The following CCDC180 variants were observed in gnomAD, a reference collection of about 807,000 sequenced individuals.
The protein encoded by CCDC180 is coiled-coil domain containing 180, also known as coiled-coil domain-containing protein 180.
A neutral mutation model predicts 209.2 loss-of-function variants in CCDC180; 154 were observed. The observed-to-expected ratio is 0.74, with a 90% confidence interval of 0.65 to 0.84. CCDC180 has a LOEUF of 0.84. Ranked by LOEUF, CCDC180 falls within the 40% of genes least tolerant of loss-of-function variation. The pLI, the probability that CCDC180 is intolerant of heterozygous loss-of-function variation, is 0.00. For missense variants in CCDC180, 1,874 were observed against 1,997.3 expected, an observed-to-expected ratio of 0.94 and a Z score of 1.18; for synonymous variants, 778 against 749.1, an observed-to-expected ratio of 1.04 and a Z score of -0.63.
intron 15 of CCDC180, among the ~76,000 whole-genome samples, 179 bp downstream of exon 15, chr9:97,326,848 G>A (rs1278347524): frequency 1.3e-5 from 2 of 152,164 alleles, no homozygotes; most frequent in South Asian, 2.1e-4. Flanking sequence ...AAGCTTCCAG[G>A]GAGAATTTTT....
chr9:97,353,496 C>T (rs1826481364), intron 22 of CCDC180, among the ~76,000 whole-genome samples: 1 of 152,226 alleles, frequency 6.6e-6, no homozygotes, highest in African/African-American at 2.4e-5. Context: ...TATCTTGTAT[C>T]TTGATTCCTT....
chr9:97,325,145 G>A lies in CCDC180; in HGVS notation c.1498G>A (p.Glu500Lys). 3.1e-6 allele frequency: 5 copies of A among 1,611,614 alleles called. No individual in the cohort carries two copies. The highest frequency in any genetic ancestry group is 2.2e-5 in the East Asian group (1 of 44,832). ...GCTGTTGGTGCAGGAGCTGGAGCTG[G>A]AGAAGAGGATGGAGCAGCACCGGCA... is the stretch of plus-strand genomic sequence containing the variant. The part of the protein sequence containing the change: ...SELLVQELEL[E>K]KRMEQHRQKH... Residue 500 changes from glutamate to lysine, a missense_variant, in exon 14 of 37, where the codon GAG becomes AAG. Glu to Lys is a moderately conservative substitution (Grantham distance 56, BLOSUM62 1). Transcript: ENST00000529487.
intron 18 of CCDC180, among the ~76,000 whole-genome samples, chr9:97,335,949 T>G (rs1825891121): frequency 6.6e-6 from 1 of 152,246 alleles, no homozygotes; most frequent in African/African-American, 2.4e-5. Flanking sequence ...CGTTTTTTCA[T>G]GTGTCTGTTG....
rs904401307 is a variant in CCDC180, at chr9:97,370,789, C to T, written c.4488+11C>T. The T allele has an allele frequency of 6.2e-7, 1 of 1,613,086 alleles. No homozygotes were observed. The highest frequency in any genetic ancestry group is 1.1e-5 in the South Asian group (1 of 90,952). ...AAGGAGAAGCTGGAGGTCAGTGATA[C>T]CATTGATTCGCCAGTCCAGGCATGC... On this transcript the variant is annotated intron_variant, in intron 33 of 36. Transcript: ENST00000529487.
intron 25 of CCDC180, 48 bp from the exon 26 acceptor site, chr9:97,359,933 CT>C (rs1826701867): frequency 6.2e-7 from 1 of 1,607,338 alleles, no homozygotes; most frequent in African/African-American, 1.3e-5. Context: ...TCTACCCACC[CT>C]CCTGCAGTCT....
At chr9:97,318,155 C>T (rs897886201) in intron 9 of CCDC180, among the ~76,000 whole-genome samples, 9 of 152,140 alleles carry the variant, frequency 5.9e-5, no homozygotes, top group South Asian at 2.1e-4. Context: ...AGCAGGCAGG[C>T]GGTGGTCAGG....
chr9:97,333,566 G>A (rs189365267), intron 18 of CCDC180, among the ~76,000 whole-genome samples: 101 of 137,032 alleles, frequency 7.4e-4, no homozygotes, highest in Admixed American at 1.5e-3. Context: ...CCATTTTGGA[G>A]CTCATTATTA....
In CCDC180 at chr9:97,361,916, G is replaced by A. The variant is rs1826765444; in HGVS notation, c.3656+18G>A. On this transcript the variant is annotated intron_variant, in intron 27 of 36. Coordinates refer to ENST00000529487, the MANE Select transcript of CCDC180 (RefSeq NM_020893.6). ...CTCCTGCAGTGAGTGGCCCCAGGGTGCACCTAAGGCTCTGCCACCCCTGCC... is the reference window on the plus strand; with the variant it reads ...CTCCTGCAGTGAGTGGCCCCAGGGTACACCTAAGGCTCTGCCACCCCTGCC... The A allele has an allele frequency of 6.2e-7, 1 of 1,610,048 alleles. No individual in the cohort carries two copies. Among genetic ancestry groups the A allele is most frequent in the Non-Finnish European group, 8.5e-7 (1 of 1,177,830 alleles).
chr9:97,374,534 T>C lies in CCDC180; in HGVS notation c.4601-9T>C. Reference sequence around the variant, plus strand: ...AGGCTGCAGTCACTAGCCTGTCTTTTGCCTCTAGGGATGGAGCCCCCCAAA... The same window carrying C: ...AGGCTGCAGTCACTAGCCTGTCTTTCGCCTCTAGGGATGGAGCCCCCCAAA... On this transcript the variant is annotated splice_polypyrimidine_tract_variant and intron_variant, in intron 34 of 36. Transcript: ENST00000529487. 1 of 1,609,188 alleles carries C rather than the reference T, an allele frequency of 6.2e-7. No individual in the cohort carries two copies. The highest frequency in any genetic ancestry group is 8.5e-7 in the Non-Finnish European group (1 of 1,176,018).
intron 24 of CCDC180, 81 bp from the exon 25 acceptor site, chr9:97,357,546 C>A: frequency 2.2e-6 from 2 of 898,858 alleles, no homozygotes; most frequent in South Asian, 1.5e-5. Context: ...ATCAGTTTCT[C>A]AGATGGTATG....
rs757198222 is a variant in CCDC180, at chr9:97,328,004, C to CCTACCT, written c.1662-15_1662-10dup. On this transcript the variant is annotated splice_polypyrimidine_tract_variant and intron_variant, in intron 15 of 36. Coordinates refer to ENST00000529487, the MANE Select transcript of CCDC180 (RefSeq NM_020893.6). ...TTCCTAGCTGGGGTCTCCTGTCTTACCTACCTACCTCCCAGGTATGAATGT... is the reference window on the plus strand; with the variant it reads ...TTCCTAGCTGGGGTCTCCTGTCTTACCTACCTCTACCTACCTCCCAGGTATGAATGT... 1.8e-4 allele frequency: 282 copies of CCTACCT among 1,610,374 alleles called. No homozygotes were observed. Among genetic ancestry groups the CCTACCT allele is most frequent in the Non-Finnish European group, 2.2e-4 (261 of 1,178,158 alleles).
At position 97,362,267 on chromosome 9, in the gene CCDC180, C is replaced by T; in HGVS notation, c.3728C>T (p.Ala1243Val). 1 of 1,614,170 alleles carries T rather than the reference C, an allele frequency of 6.2e-7. No homozygotes were observed. Among genetic ancestry groups the T allele is most frequent in the Non-Finnish European group, 8.5e-7 (1 of 1,180,018 alleles). Residue 1243 changes from alanine (A) to valine (V), a missense_variant, in exon 28 of 37, where the codon GCC (alanine) becomes GTC (valine). Transcript: ENST00000529487. ...TCCCAGACAGGTAGAGGCGCATGGG[C>T]CTGTGGGTCTCGGGGCAGCAGTGAG... ...DPSQTGRGAW[A>V]CGSRGSSEAG...
Position 97,312,098 on chromosome 9 carries a change from C to G in CCDC180, c.261-15C>G. 1 of 1,612,350 alleles carries G rather than the reference C, an allele frequency of 6.2e-7. No homozygotes were observed. Among genetic ancestry groups the G allele is most frequent in the Non-Finnish European group, 8.5e-7 (1 of 1,178,534 alleles). ...TCAGGAGCTGGGACTTCACTCTTCT[C>G]TGCTTGTGTCTCAGGGAAAAGGAAA... On this transcript the variant is annotated splice_polypyrimidine_tract_variant and intron_variant, in intron 3 of 36. Transcript: ENST00000529487.
intron 16 of CCDC180, among the ~76,000 whole-genome samples, chr9:97,328,610 C>T (rs184088779): frequency 1.3e-5 from 2 of 152,084 alleles, no homozygotes; most frequent in Non-Finnish European, 1.5e-5. Context: ...CTGGCATGTG[C>T]CTCCTGCCTG....
intron 19 of CCDC180, chr9:97,345,668 C>T (rs71501812): frequency 0.029 from 11,320 of 388,730 alleles, 218 homozygotes; most frequent in South Asian, 0.042. Flanking sequence ...GGAGAATCGC[C>T]TGAACCCAGG....
chr9:97,363,970 C>A lies in CCDC180; in HGVS notation c.3903-81C>A, dbSNP rs368509865. 5 of 1,408,710 alleles carry A rather than the reference C, an allele frequency of 3.5e-6. No individual in the cohort carries two copies. In the African/African-American group the frequency reaches 7.2e-5, roughly 20 times the overall value. 87.3% of individuals were successfully genotyped at this position (1,408,710 alleles called of 1,614,324 possible). On this transcript the variant is annotated intron_variant, in intron 28 of 36. Transcript: ENST00000529487. Reference sequence around the variant, plus strand: ...GGGCAGGCCCAATGCCTCCAGAAACCCAGGCAGGGATCCTGCAGGCTCAGA... The same window carrying A: ...GGGCAGGCCCAATGCCTCCAGAAACACAGGCAGGGATCCTGCAGGCTCAGA...
rs1564155692 is a variant in CCDC180 at position 97,330,303 on chromosome 9, T to G, written c.1829-19T>G. ...CAGTAAATTGTCTCTCCTTGTGCTT[T>G]GGTGTTTATCATCAACAGAAGCACA... On this transcript the variant is annotated intron_variant, in intron 17 of 36. Transcript: ENST00000529487. 3 of 1,612,592 alleles carry G rather than the reference T, an allele frequency of 1.9e-6. No homozygotes were observed. In the African/African-American group the frequency reaches 4.0e-5, roughly 22 times the overall value.
At chr9:97,340,544 T>C (rs1027940280) in intron 18 of CCDC180, among the ~76,000 whole-genome samples, 5 of 152,228 alleles carry the variant, frequency 3.3e-5, no homozygotes, top group African/African-American at 4.8e-5. Flanking sequence ...AATATTATAA[T>C]AATCCTCGCT....
chr9:97,352,977 A>T (rs1411673918), intron 22 of CCDC180, among the ~76,000 whole-genome samples: 1 of 148,048 alleles, frequency 6.8e-6, no homozygotes, highest in East Asian at 2.0e-4. Flanking sequence ...ACACATATAC[A>T]TATATATATA....
Sources: gnomAD v4.1 joint callset for allele counts (sites outside exome capture counted in the v4.1 genomes callset) on GRCh38, gnomAD v4.1.1 for gene constraint, MANE v1.5 for transcripts, NCBI Gene and HGNC (gene_info 2026-07-23, HGNC 2026-07-21) for gene names.